USP34: variants seen among roughly 807,000 people sequenced by gnomAD.
USP34 encodes ubiquitin specific peptidase 34, also known as ubiquitin carboxyl-terminal hydrolase 34.
USP34 carries 70 observed loss-of-function variants against 460.3 expected under a neutral mutation model. That is an observed-to-expected ratio of 0.15 (90% CI 0.13 to 0.19). The LOEUF (loss-of-function observed/expected upper bound fraction) is 0.19, where lower values mean the gene tolerates loss of function less well. Among genes scored for constraint, USP34 ranks in the 10% least tolerant of loss-of-function variants. The probability of loss-of-function intolerance (pLI) is 1.00; values close to 1 mark genes in which losing one functional copy is unlikely to be tolerated. For synonymous variants in USP34, 1,647 were observed against 1,405.3 expected (o/e 1.17, Z -3.85); for missense variants, 3,985 against 4,236.2 (o/e 0.94, Z 1.65).
intron 43 of USP34, among the ~76,000 whole-genome samples, 191 bp from the exon 44 acceptor site, chr2:61,259,967 T>C (rs1265287550): frequency 6.6e-6 from 1 of 152,230 alleles, no homozygotes; most frequent in African/African-American, 2.4e-5. Flanking sequence ...GTTACATAAA[T>C]ACAGCTATTA....
intron 41 of USP34, among the ~76,000 whole-genome samples, chr2:61,273,870 GA>G (rs1185186640): frequency 1.3e-5 from 2 of 151,506 alleles, no homozygotes; most frequent in South Asian, 4.2e-4. Context: ...GTAATCAGTA[GA>G]AAAAAAATAA....
intron 3 of USP34, among the ~76,000 whole-genome samples, chr2:61,399,827 A>T (rs34104056): frequency 1.4e-5 from 2 of 145,478 alleles, no homozygotes; most frequent in Admixed American, 7.0e-5. Context: ...GAGCCGAGAT[A>T]ACACCACTGC....
chr2:61,418,954 A>C (rs1023987018), intron 2 of USP34, among the ~76,000 whole-genome samples: 1 of 152,324 alleles, frequency 6.6e-6, no homozygotes, highest in Admixed American at 6.5e-5. Context: ...TCATTTTCCA[A>C]AACAAATTTT....
Position 61,301,027 on chromosome 2 carries a change from G to C in USP34, c.4052C>G (p.Thr1351Ser). Reference sequence around the variant, plus strand: ...CATCTCTAATAAATCAAAAAGAGTAGTTAAATGAGGCTCTTGTAAAAGCAA... The same window carrying C: ...CATCTCTAATAAATCAAAAAGAGTACTTAAATGAGGCTCTTGTAAAAGCAA... ...MLLLLQEPHLTTLFDLLEMLA... is the reference protein window; with the variant it reads ...MLLLLQEPHLSTLFDLLEMLA... The change falls in exon 29 of 80, where the codon ACT (threonine) becomes AGT (serine). Residue 1351 changes from threonine to serine, a missense_variant. Physicochemically the swap from Thr to Ser is moderately conservative, Grantham distance 58. Coordinates refer to ENST00000398571, the MANE Select transcript of USP34 (RefSeq NM_014709.4). 6.2e-7 allele frequency: 1 copy of C among 1,613,998 alleles called. No individual in the cohort carries two copies. Among genetic ancestry groups the C allele is most frequent in the East Asian group, 2.2e-5 (1 of 44,868 alleles).
intron 27 of USP34, among the ~76,000 whole-genome samples, chr2:61,310,394 A>G (rs908569626): frequency 2.0e-5 from 3 of 152,118 alleles, no homozygotes; most frequent in Non-Finnish European, 4.4e-5. Context: ...TATATAGTGA[A>G]CTATGCAGAT....
chr2:61,223,266 T>C lies in USP34; in HGVS notation c.7626A>G (p.Ala2542=), dbSNP rs1297982891. ...RHLTLSQTDM[A]ALTGGKGFPF... ...GTACTACCTTTCCTCCTGTTAATGC[T>C]GCCATGTCAGTCTGTGATAATGTCA... The change falls in exon 63 of 80, where the codon GCA becomes GCG. Residue 2542 remains alanine, a synonymous_variant. Coordinates refer to ENST00000398571, the MANE Select transcript of USP34 (RefSeq NM_014709.4). 1.2e-6 allele frequency: 2 copies of C among 1,613,916 alleles called. No individual in the cohort carries two copies. The highest frequency in any genetic ancestry group is 1.7e-6 in the Non-Finnish European group (2 of 1,179,986).
At position 61,223,041 on chromosome 2, in the gene USP34, A is replaced by G. The variant is rs555737480; in HGVS notation, c.7749+19T>C. 1 of 1,595,602 alleles carries G rather than the reference A, an allele frequency of 6.3e-7. No homozygotes were observed. The highest frequency in any genetic ancestry group is 1.1e-5 in the South Asian group (1 of 88,724). On this transcript the variant is annotated intron_variant, in intron 64 of 79. Coordinates refer to ENST00000398571, the MANE Select transcript of USP34 (RefSeq NM_014709.4). ...TTTAAAATTTCCAAAAATCTTTAAG[A>G]CTGTTCCTTAGCACTTACATGTTCT...
intron 1 of USP34, among the ~76,000 whole-genome samples, chr2:61,457,601 G>A (rs151225584): frequency 1.3e-5 from 2 of 152,244 alleles, no homozygotes; most frequent in East Asian, 1.9e-4. Context: ...GGTGCCTCAC[G>A]CCTGTAATCC....
At chr2:61,316,877 C>G (rs1436815404) in intron 23 of USP34, among the ~76,000 whole-genome samples, 1 of 152,134 alleles carries the variant, frequency 6.6e-6, no homozygotes, top group Non-Finnish European at 1.5e-5. Flanking sequence ...CAGAGCCAGA[C>G]TCCATCTCAA....
intron 27 of USP34, among the ~76,000 whole-genome samples, chr2:61,306,000 G>T (rs1016303874): frequency 7.2e-5 from 11 of 152,158 alleles, no homozygotes; most frequent in African/African-American, 2.7e-4. Flanking sequence ...CAGATGAGCA[G>T]ATTGCAAAAA....
chr2:61,344,797 G>A (rs1691714247), intron 15 of USP34, among the ~76,000 whole-genome samples: 1 of 152,162 alleles, frequency 6.6e-6, no homozygotes, highest in Non-Finnish European at 1.5e-5. Context: ...TGAGCCAGTG[G>A]TTCCCAATCA....
At chr2:61,377,563 C>T (rs1361434269) in intron 8 of USP34, among the ~76,000 whole-genome samples, 1 of 151,872 alleles carries the variant, frequency 6.6e-6, no homozygotes, top group East Asian at 1.9e-4. Flanking sequence ...TAAAAGGGAC[C>T]CCAGAGACCT....
At chr2:61,444,617 A>G (rs1271632579) in intron 1 of USP34, among the ~76,000 whole-genome samples, 1 of 152,194 alleles carries the variant, frequency 6.6e-6, no homozygotes, top group Non-Finnish European at 1.5e-5. Context: ...ATAGTTAACT[A>G]CTGAAGACAA....
Position 61,417,145 on chromosome 2 carries a change from G to A in USP34, c.131+3601C>T, listed in dbSNP as rs948929793. On this transcript the variant is annotated intron_variant, in intron 2 of 79. Coordinates refer to ENST00000398571, the MANE Select transcript of USP34 (RefSeq NM_014709.4). Reference sequence around the variant, plus strand: ...CATAACTTGGCCAATGTGAACCCTGGCCACAGTGCCCTGGGGCTTTCCAAA... The same window carrying A: ...CATAACTTGGCCAATGTGAACCCTGACCACAGTGCCCTGGGGCTTTCCAAA... 4.0e-5 allele frequency: 63 copies of A among 1,575,772 alleles called. No individual in the cohort carries two copies. In the African/African-American group the frequency reaches 5.5e-4, roughly 14 times the overall value.
chr2:61,409,195 C>T (rs1215615308), intron 2 of USP34, among the ~76,000 whole-genome samples: 1 of 151,458 alleles, frequency 6.6e-6, no homozygotes, highest in Non-Finnish European at 1.5e-5. Flanking sequence ...ACTCTAGCCT[C>T]GGTGATAGAG....
In USP34 at chr2:61,379,033, G is replaced by A. The variant is rs1317175108; in HGVS notation, c.1015-609C>T. Among the ~76,000 whole-genome samples, 6 of 149,212 alleles carry A rather than the reference G, an allele frequency of 4.0e-5. No homozygotes were observed. In the East Asian group the frequency reaches 5.9e-4, roughly 15 times the overall value. On this transcript the variant is annotated intron_variant, in intron 7 of 79. Coordinates refer to ENST00000398571, the MANE Select transcript of USP34 (RefSeq NM_014709.4). ...AAGTAAAAAAACACAACAATTTAACGCAAGAGAGCAAGTAATATGTCATTA... is the reference window on the plus strand; with the variant it reads ...AAGTAAAAAAACACAACAATTTAACACAAGAGAGCAAGTAATATGTCATTA...
At chr2:61,252,410 C>G (rs558030616) in intron 48 of USP34, among the ~76,000 whole-genome samples, 1 of 152,234 alleles carries the variant, frequency 6.6e-6, no homozygotes, top group East Asian at 1.9e-4. Flanking sequence ...GCAGCAGCAG[C>G]AGCAACAGCA....
At position 61,188,244 on chromosome 2, in the gene USP34, A is replaced by G; in HGVS notation, c.10499T>C (p.Leu3500Ser). Residue 3500 changes from leucine to serine, a missense_variant, in exon 80 of 80, where the codon TTA becomes TCA. Leu to Ser is a moderately radical substitution (Grantham distance 145, BLOSUM62 -2). Around this residue, in one of 14 missense-constraint regions of USP34, gnomAD observed 506 missense variants for 439.0 expected, o/e 1.15. Coordinates refer to ENST00000398571, the MANE Select transcript of USP34 (RefSeq NM_014709.4). ...ALPSQDPEVA[L>S]SLSCGHSRGL... is the part of the protein sequence containing the mutation. The stretch of plus-strand genomic sequence containing the variant: ...TCTGGAATGGCCACAACTGAGAGAT[A>G]AAGCAACCTCAGGGTCCTGGGAGGG... 1 of 1,614,200 alleles carries G rather than the reference A, an allele frequency of 6.2e-7. No homozygotes were observed. The highest frequency in any genetic ancestry group is 8.5e-7 in the Non-Finnish European group (1 of 1,180,034).
chr2:61,437,514 C>T (rs774824040), intron 1 of USP34, among the ~76,000 whole-genome samples: 1 of 152,088 alleles, frequency 6.6e-6, no homozygotes, highest in Non-Finnish European at 1.5e-5. Flanking sequence ...TGGCTCATGC[C>T]TGTAATCCCA....
Sources: gnomAD v4.1 joint callset for allele counts (sites outside exome capture counted in the v4.1 genomes callset) on GRCh38, gnomAD v4.1.1 for gene constraint, gnomAD v4.1.1 regional missense constraint, MANE v1.5 for transcripts, NCBI Gene and HGNC (gene_info 2026-07-23, HGNC 2026-07-21) for gene names.